Variants in SAYSD1 observed in about 807,000 individuals in gnomAD.
SAYSD1 encodes the protein SAYSVFN motif domain containing 1, also known as SAYSvFN domain-containing protein 1.
In SAYSD1, 15 loss-of-function variants were observed where a neutral mutation model predicts 14.5. The ratio of observed to expected loss-of-function variants is 1.03; its 90% CI spans 0.69 to 1.59. The LOEUF (loss-of-function observed/expected upper bound fraction) is 1.59. Among genes scored for constraint, SAYSD1 ranks in the 40% most tolerant of loss-of-function variants. SAYSD1 has a pLI of 0.00. For missense variants in SAYSD1, 247 were observed against 227.3 expected (o/e 1.09, Z -0.56); for synonymous variants, 105 against 102.6 (o/e 1.02, Z -0.14).
chr6:39,111,798 A>G (rs1769630786), intron 1 of SAYSD1: 1 of 152,230 alleles, frequency 6.6e-6, no homozygotes, highest in Non-Finnish European at 1.5e-5. Flanking sequence ...ACACTAGACA[A>G]TAAGAAATAT....
At chr6:39,106,532 CA>C (rs1769507520) in intron 1 of SAYSD1, among the ~76,000 whole-genome samples, 1 of 150,648 alleles carries the variant, frequency 6.6e-6, no homozygotes, top group South Asian at 2.1e-4. Flanking sequence ...GTCTCAAAAA[CA>C]AACAAAAACC....
At chr6:39,106,503 G>C (rs149042339) in intron 1 of SAYSD1, among the ~76,000 whole-genome samples, 12 of 152,224 alleles carry the variant, frequency 7.9e-5, no homozygotes, top group African/African-American at 2.9e-4. Context: ...CTCTAGCTTG[G>C]GCAACAGACC....
intron 1 of SAYSD1, chr6:39,111,520 T>C (rs1583668771): frequency 6.6e-6 from 1 of 152,190 alleles, no homozygotes; most frequent in African/African-American, 2.4e-5. Context: ...ACAAAGAGTA[T>C]GCTAGGCCTG....
At chr6:39,114,316 TG>T in intron 1 of SAYSD1, among the ~76,000 whole-genome samples, 1 of 152,270 alleles carries the variant, frequency 6.6e-6, no homozygotes. Context: ...CACTTTTTTT[TG>T]TTTGTGTCTT....
At chr6:39,107,570 A>G (rs1769529655) in intron 1 of SAYSD1, among the ~76,000 whole-genome samples, 1 of 152,170 alleles carries the variant, frequency 6.6e-6, no homozygotes, top group Non-Finnish European at 1.5e-5. Context: ...GTGCATATTT[A>G]AAAGGGGATC....
At chr6:39,106,149 T>C (rs1769498551) in intron 1 of SAYSD1, among the ~76,000 whole-genome samples, 1 of 152,148 alleles carries the variant, frequency 6.6e-6, no homozygotes, top group African/African-American at 2.4e-5. Flanking sequence ...ACAGAGTCAA[T>C]ATACCTTTGT....
At chr6:39,109,601 C>G (rs1583667584) in intron 1 of SAYSD1, 5 of 1,349,118 alleles carry the variant, frequency 3.7e-6, no homozygotes, top group Non-Finnish European at 4.8e-6. Flanking sequence ...ATATACATTA[C>G]AGTTTCTTGA....
intron 1 of SAYSD1, chr6:39,109,431 T>C (rs1769584612): frequency 1.3e-6 from 2 of 1,546,888 alleles, no homozygotes; most frequent in Admixed American, 2.0e-5. Context: ...CATCAATGAC[T>C]GCTGAAAAGA....
chr6:39,114,955 T>A lies in SAYSD1; in HGVS notation c.135A>T (p.Pro45=), dbSNP rs762627512. ...AEAAATLKAA[P]GWLKRFLVWK... is the part of the protein sequence containing the mutation. ...ATACCAGGAACCGCTTTAGCCAGCCTGGGGCTGCCTTTAGAGTCGCTGCTG... is the reference window on the plus strand; with the variant it reads ...ATACCAGGAACCGCTTTAGCCAGCCAGGGGCTGCCTTTAGAGTCGCTGCTG... Residue 45 remains proline (P), a synonymous_variant, in exon 1 of 2, where the codon CCA becomes CCT. Coordinates refer to ENST00000229903, the MANE Select transcript of SAYSD1 (RefSeq NM_018322.3). The A allele has an allele frequency of 3.1e-6, 5 of 1,613,880 alleles. No individual in the cohort carries two copies. The South Asian group carries it at 5.5e-5, about 18-fold the overall frequency.
chr6:39,106,944 A>G (rs2113735967), intron 1 of SAYSD1, among the ~76,000 whole-genome samples: 1 of 152,324 alleles, frequency 6.6e-6, no homozygotes, highest in East Asian at 1.9e-4. Flanking sequence ...TAAGGAATAC[A>G]TTTTAGACTG....
chr6:39,108,722 T>C (rs1769563575), intron 1 of SAYSD1, among the ~76,000 whole-genome samples: 1 of 152,104 alleles, frequency 6.6e-6, no homozygotes, highest in Non-Finnish European at 1.5e-5. Flanking sequence ...ACGGCAAAAA[T>C]GTCACCGTAT....
In SAYSD1 at chr6:39,114,948, G is replaced by A. The variant is rs1472925371; in HGVS notation, c.142C>T (p.Leu48=). Residue 48 remains leucine, a synonymous_variant, in exon 1 of 2, where the codon CTA becomes TTA. Transcript: ENST00000229903. ...GGTTTCCATACCAGGAACCGCTTTA[G>A]CCAGCCTGGGGCTGCCTTTAGAGTC... ...AATLKAAPGW[L]KRFLVWKPRP... is the part of the protein sequence containing the mutation. 3.1e-6 allele frequency: 5 copies of A among 1,613,790 alleles called. No homozygotes were observed. Among genetic ancestry groups the A allele is most frequent in the Non-Finnish European group, 4.2e-6 (5 of 1,179,908 alleles).
At chr6:39,108,147 T>C (rs73734049) in intron 1 of SAYSD1, among the ~76,000 whole-genome samples, 2,463 of 151,894 alleles carry the variant, frequency 0.016, 64 homozygotes, top group African/African-American at 0.055. Flanking sequence ...ATTTAGGGAG[T>C]ATAAAAAGAA....
intron 1 of SAYSD1, chr6:39,109,328 T>C (rs1769581028): frequency 5.8e-6 from 9 of 1,551,100 alleles, no homozygotes; most frequent in East Asian, 2.4e-5. Context: ...ATTTTTGTCC[T>C]AATGTGGAAG....
chr6:39,108,054 C>T (rs779005238), intron 1 of SAYSD1, among the ~76,000 whole-genome samples: 3 of 152,104 alleles, frequency 2.0e-5, no homozygotes, highest in Non-Finnish European at 4.4e-5. Flanking sequence ...GTGGTGACAG[C>T]AGTCAGATGG....
In SAYSD1 at chr6:39,105,514, G is replaced by A. The variant is rs754839857; in HGVS notation, c.470C>T (p.Pro157Leu). The A allele has an allele frequency of 3.1e-6, 5 of 1,614,090 alleles. No individual in the cohort carries two copies. The African/African-American group carries it at 6.7e-5, about 22-fold the overall frequency. The change falls in exon 2 of 2, where the codon CCA becomes CTA. Residue 157 changes from proline (P) to leucine (L), a missense_variant. Coordinates refer to ENST00000229903, the MANE Select transcript of SAYSD1 (RefSeq NM_018322.3). ...GGTGCCCTGGATGGCTTCACAGCCT[G>A]GATTGAACACAGAGTAGGCGCTCTT... is the stretch of plus-strand genomic sequence containing the variant. Reference protein sequence around the residue: ...GEKSAYSVFNPGCEAIQGTLT... With the variant: ...GEKSAYSVFNLGCEAIQGTLT...
intron 1 of SAYSD1, chr6:39,110,496 C>G (rs1196491031): frequency 6.5e-6 from 1 of 152,994 alleles, no homozygotes; most frequent in Non-Finnish European, 1.5e-5. Context: ...GAATGTGGCA[C>G]CAACCCAGAT....
rs1769466384 is a variant in SAYSD1, at chr6:39,104,997, C to G, written c.*435G>C. The G allele has an allele frequency of 6.4e-6, 1 of 155,184 alleles. No homozygotes were observed. Among genetic ancestry groups the G allele is most frequent in the South Asian group, 2.0e-4 (1 of 4,950 alleles). 9.6% of individuals were successfully genotyped at this position (155,184 alleles called of 1,614,324 possible). A position where few individuals can be genotyped will look rare whatever the true frequency, so the allele number is the denominator to read the frequency against. On this transcript the variant is annotated 3_prime_UTR_variant, in exon 2 of 2. Transcript: ENST00000229903. ...CAAACAAGAAACCCAAAACTTGCAA[C>G]CTAAACTCTCCGGGAAAAAAAAAAT...
chr6:39,114,644 A>G (rs1769698611), intron 1 of SAYSD1, among the ~76,000 whole-genome samples: 1 of 152,262 alleles, frequency 6.6e-6, no homozygotes, highest in South Asian at 2.1e-4. Flanking sequence ...GCTTTCTCCC[A>G]GGACCCTCGA....
Sources: allele counts gnomAD v4.1 joint callset (sites outside exome capture counted in the v4.1 genomes callset), GRCh38; gene constraint gnomAD v4.1.1; transcripts MANE v1.5; gene names NCBI Gene and HGNC (gene_info 2026-07-23, HGNC 2026-07-21).